The following RFPL1 variants were observed in gnomAD, a reference collection of about 807,000 sequenced individuals.
RFPL1 encodes the protein ret finger protein like 1.
In RFPL1, 6 loss-of-function variants were observed where a neutral mutation model predicts 9.6. The observed-to-expected ratio is 0.62, with a 90% CI of 0.34 to 1.23. The LOEUF (loss-of-function observed/expected upper bound fraction) is 1.23. Ranked by LOEUF, RFPL1 falls within the 50% of genes most tolerant of loss-of-function variation. The probability of loss-of-function intolerance (pLI) is 0.03; values close to 1 mark genes in which losing one functional copy is unlikely to be tolerated. For missense variants in RFPL1, 352 were observed against 398.4 expected, an observed-to-expected ratio of 0.88 and a Z score of 0.99; for synonymous variants, 145 against 149.4, an observed-to-expected ratio of 0.97 and a Z score of 0.22.
At chr22:29,403,914 G>A in the RFPL1 span, among the ~76,000 whole-genome samples, 2 of 152,238 alleles carry the variant, frequency 1.3e-5, no homozygotes, top group Admixed American at 6.5e-5. Context: ...ATCCTACTTT[G>A]AGGCATTTTA....
chr22:29,406,889 A>C, the RFPL1 span, among the ~76,000 whole-genome samples: 1 of 152,246 alleles, frequency 6.6e-6, no homozygotes, highest in Non-Finnish European at 1.5e-5. Context: ...TAATGTGGAA[A>C]TTAAATCATT....
exon 2 of RFPL1, chr22:29,441,785 G>A: frequency 1.2e-6 from 2 of 1,613,994 alleles, no homozygotes; most frequent in African/African-American, 2.7e-5. Flanking sequence ...CGCAAAGGGA[G>A]GATCCATCTG....
At chr22:29,423,199 G>C in the RFPL1 span, 1 of 1,188,924 alleles carries the variant, frequency 8.4e-7, no homozygotes, top group African/African-American at 1.5e-5. Context: ...CTGCAAGAGA[G>C]AGAAGAGAGG....
chr22:29,401,059 G>A, the RFPL1 span, among the ~76,000 whole-genome samples: 1 of 152,056 alleles, frequency 6.6e-6, no homozygotes, highest in Non-Finnish European at 1.5e-5. Flanking sequence ...TATTCCCCAA[G>A]CCTCCTTTCT....
chr22:29,420,843 G>A, the RFPL1 span, among the ~76,000 whole-genome samples: 30 of 151,892 alleles, frequency 2.0e-4, no homozygotes, highest in Admixed American at 9.8e-4. Flanking sequence ...GTTTCACCAC[G>A]TTGGCCTGGG....
the RFPL1 span, among the ~76,000 whole-genome samples, chr22:29,406,479 G>A: frequency 2.5e-3 from 378 of 152,150 alleles, 1 homozygote; most frequent in Non-Finnish European, 4.4e-3. Flanking sequence ...CACTCTCCCA[G>A]GTATGTGCAG....
upstream of RFPL1, chr22:29,434,309 A>G (rs2062798582): frequency 6.6e-6 from 1 of 152,228 alleles, no homozygotes; most frequent in Non-Finnish European, 1.5e-5. Flanking sequence ...ATCAAAATGT[A>G]AAAAGAATGC....
At chr22:29,399,350 T>C in the RFPL1 span, among the ~76,000 whole-genome samples, 1 of 152,206 alleles carries the variant, frequency 6.6e-6, no homozygotes, top group African/African-American at 2.4e-5. Flanking sequence ...TCAGTTTTCT[T>C]GGTCATGGAT....
the RFPL1 span, among the ~76,000 whole-genome samples, chr22:29,405,042 T>C: frequency 6.6e-6 from 1 of 152,184 alleles, no homozygotes; most frequent in Admixed American, 6.5e-5. Context: ...GAAATGTTCC[T>C]AAAACTCTGA....
chr22:29,414,240 G>A, the RFPL1 span, among the ~76,000 whole-genome samples: 12 of 60,706 alleles, frequency 2.0e-4, no homozygotes, highest in African/African-American at 8.5e-4. Context: ...TTCTTTTTTC[G>A]AAGATGATAA....
the RFPL1 span, among the ~76,000 whole-genome samples, chr22:29,415,874 G>C: frequency 6.6e-6 from 1 of 152,178 alleles, no homozygotes; most frequent in Non-Finnish European, 1.5e-5. Context: ...TAGCACAAGC[G>C]ATTAGGGTGG....
chr22:29,435,361 T>C (rs1602913221), upstream of RFPL1, among the ~76,000 whole-genome samples: 1 of 152,310 alleles, frequency 6.6e-6, no homozygotes, highest in African/African-American at 2.4e-5. Context: ...CCCTGGAGCA[T>C]CTGAAAGGAT....
chr22:29,410,488 GAT>G, the RFPL1 span, among the ~76,000 whole-genome samples: 1 of 51,742 alleles, frequency 1.9e-5, no homozygotes, highest in South Asian at 6.5e-4. Flanking sequence ...ATATATTGTA[GAT>G]ATATATCTAT....
the RFPL1 span, among the ~76,000 whole-genome samples, chr22:29,410,476 A>ATATATATCTATATATATATC: frequency 9.3e-6 from 1 of 108,090 alleles, no homozygotes; most frequent in African/African-American, 3.7e-5. Flanking sequence ...ATATATAGAT[A>ATATATATCTATATATATATC]TATATATTGT....
the RFPL1 span, among the ~76,000 whole-genome samples, chr22:29,425,289 T>C: frequency 2.6e-5 from 4 of 152,194 alleles, no homozygotes; most frequent in African/African-American, 9.6e-5. Context: ...ACTTTGTCCC[T>C]TTTTTTGCAT....
chr22:29,409,390 T>C, the RFPL1 span, among the ~76,000 whole-genome samples: 1 of 152,184 alleles, frequency 6.6e-6, no homozygotes, highest in Admixed American at 6.5e-5. Flanking sequence ...CAAGGCTCTT[T>C]CATTTCCTTC....
At chr22:29,423,154 T>G in the RFPL1 span, 1 of 1,512,954 alleles carries the variant, frequency 6.6e-7, no homozygotes, top group Non-Finnish European at 9.2e-7. Context: ...ATATTTTGAG[T>G]CAGTCATTTT....
At chr22:29,410,456 ATATATATC>A in the RFPL1 span, among the ~76,000 whole-genome samples, 1 of 98,392 alleles carries the variant, frequency 1.0e-5, no homozygotes, top group Non-Finnish European at 1.8e-5. Context: ...ATATATAGAT[ATATATATC>A]TATATATAGA....
chr22:29,414,395 T>G, the RFPL1 span, among the ~76,000 whole-genome samples: 1 of 152,236 alleles, frequency 6.6e-6, no homozygotes. Context: ...AAGTGTGGGA[T>G]TTCAATTATC....
Sources: allele counts gnomAD v4.1 joint callset (sites outside exome capture counted in the v4.1 genomes callset), GRCh38; gene constraint gnomAD v4.1.1; transcripts MANE v1.5; gene names NCBI Gene and HGNC (gene_info 2026-07-23, HGNC 2026-07-21).